Variants in SPACA7 observed in about 807,000 individuals in gnomAD.
The protein encoded by SPACA7 is sperm acrosome-associated protein 7.
A neutral mutation model predicts 26.3 loss-of-function variants in SPACA7; 19 were observed. That is an observed-to-expected ratio of 0.72 (90% CI 0.50 to 1.06). The LOEUF (loss-of-function observed/expected upper bound fraction) is 1.06. SPACA7 is among the 50% of genes least tolerant of loss of function. SPACA7 has a pLI of 0.00. For synonymous variants in SPACA7, 84 were observed against 84.5 expected (o/e 0.99, Z 0.04); for missense variants, 211 against 229.9 (o/e 0.92, Z 0.53).
At chr13:112,382,958 C>T (rs1884178908) in intron 1 of SPACA7, among the ~76,000 whole-genome samples, 1 of 149,320 alleles carries the variant, frequency 6.7e-6, no homozygotes, top group African/African-American at 2.5e-5. Flanking sequence ...TATTGCACTC[C>T]AGCCTGGGCA....
In SPACA7 at chr13:112,398,094, C is replaced by G; in HGVS notation, c.197C>G (p.Pro66Arg). ...ATTTTAGATCTGAATAAAACAACAC[C>G]GAGCGAAATGCCAAGTACAGCATCA... ...QEILDLNKTTPSEMPSTASTL... is the reference protein window; with the variant it reads ...QEILDLNKTTRSEMPSTASTL... The change falls in exon 3 of 7, where the codon CCG becomes CGG. Residue 66 changes from proline (P) to arginine (R), a missense_variant. By Grantham distance (103) the Pro-to-Arg change is moderately radical. Coordinates refer to ENST00000283550, the MANE Select transcript of SPACA7 (RefSeq NM_145248.5). 1 of 1,613,900 alleles carries G rather than the reference C, an allele frequency of 6.2e-7. No individual in the cohort carries two copies. Among genetic ancestry groups the G allele is most frequent in the Non-Finnish European group, 8.5e-7 (1 of 1,179,854 alleles).
At chr13:112,413,943 T>A (rs999572256) in intron 5 of SPACA7, among the ~76,000 whole-genome samples, 3 of 152,138 alleles carry the variant, frequency 2.0e-5, no homozygotes, top group African/African-American at 7.2e-5. Flanking sequence ...CTCAGGGAAC[T>A]TTTCCTCATG....
intron 5 of SPACA7, among the ~76,000 whole-genome samples, chr13:112,424,475 A>C (rs879012867): frequency 6.6e-6 from 1 of 152,164 alleles, no homozygotes; most frequent in Non-Finnish European, 1.5e-5. Flanking sequence ...TGAGAACAGA[A>C]TGACAGAACT....
intron 5 of SPACA7, among the ~76,000 whole-genome samples, chr13:112,416,742 C>A (rs1886714819): frequency 6.6e-6 from 1 of 151,954 alleles, no homozygotes; most frequent in South Asian, 2.1e-4. Flanking sequence ...ATACATATAG[C>A]ATTTGCATAT....
chr13:112,395,910 C>A (rs1412464430), intron 2 of SPACA7, among the ~76,000 whole-genome samples: 1 of 152,132 alleles, frequency 6.6e-6, no homozygotes, highest in Non-Finnish European at 1.5e-5. Flanking sequence ...TTCATCTCTA[C>A]CTAAAGCGTT....
intron 5 of SPACA7, among the ~76,000 whole-genome samples, chr13:112,405,886 A>G (rs1396274943): frequency 4.6e-5 from 7 of 152,094 alleles, no homozygotes; most frequent in Admixed American, 2.0e-4. Context: ...GTGAATTCCA[A>G]CTTTTAGCAT....
chr13:112,409,813 C>T (rs1296800607), intron 5 of SPACA7, among the ~76,000 whole-genome samples: 3 of 152,186 alleles, frequency 2.0e-5, no homozygotes, highest in East Asian at 3.8e-4. Context: ...TGTGGCGATT[C>T]CTCAAGGAAG....
intron 5 of SPACA7, among the ~76,000 whole-genome samples, chr13:112,411,541 T>G (rs1028675502): frequency 1.2e-4 from 18 of 152,136 alleles, no homozygotes; most frequent in African/African-American, 4.1e-4. Flanking sequence ...AACTTATTCC[T>G]TCTATCTAAC....
chr13:112,377,350 C>T (rs779165266), intron 1 of SPACA7, among the ~76,000 whole-genome samples: 1 of 152,104 alleles, frequency 6.6e-6, no homozygotes, highest in African/African-American at 2.4e-5. Context: ...CTTTGAAGAC[C>T]TTTTAAAATC....
Position 112,399,073 on chromosome 13 carries a change from T to C in SPACA7, c.249T>C (p.Gly83=), listed in dbSNP as rs1283454210. ...CCATGTTCTTCATTGAAGATGCTGG[T>C]ATTGATGAGAATTATCAAGCTGGTG... The part of the protein sequence containing the change: ...ASTLSTPLHA[G]IDENYQAGGS... Residue 83 remains glycine, a synonymous_variant, in exon 4 of 7, where the codon GGT becomes GGC. Coordinates refer to ENST00000283550, the MANE Select transcript of SPACA7 (RefSeq NM_145248.5). The C allele has an allele frequency of 7.5e-6, 12 of 1,594,354 alleles. No homozygotes were observed. Among genetic ancestry groups the C allele is most frequent in the African/African-American group, 1.3e-5 (1 of 74,460 alleles).
intron 1 of SPACA7, among the ~76,000 whole-genome samples, chr13:112,390,219 C>T (rs920521304): frequency 2.6e-5 from 4 of 152,046 alleles, no homozygotes; most frequent in African/African-American, 4.8e-5. Flanking sequence ...GAAGAGAACT[C>T]GAGTGCAGAG....
intron 5 of SPACA7, among the ~76,000 whole-genome samples, chr13:112,431,577 G>A (rs1176514932): frequency 1.3e-5 from 2 of 152,146 alleles, no homozygotes; most frequent in Non-Finnish European, 2.9e-5. Context: ...AGATATATGA[G>A]GGATTCTTGT....
intron 5 of SPACA7, among the ~76,000 whole-genome samples, chr13:112,414,909 T>A (rs1886591127): frequency 6.6e-6 from 1 of 152,220 alleles, no homozygotes; most frequent in Non-Finnish European, 1.5e-5. Context: ...GTTAGATATT[T>A]ATTCCAGTCA....
chr13:112,413,369 T>TC (rs573182932), intron 5 of SPACA7, among the ~76,000 whole-genome samples: 20 of 19,596 alleles, frequency 1.0e-3, no homozygotes, highest in African/African-American at 8.1e-3. Context: ...GGAAGAGTTG[T>TC]TTTTTTTTTT....
At chr13:112,419,618 GC>G (rs1482423343) in intron 5 of SPACA7, among the ~76,000 whole-genome samples, 4 of 152,176 alleles carry the variant, frequency 2.6e-5, no homozygotes, top group African/African-American at 9.7e-5. Context: ...CTACCTTGGG[GC>G]CAGGATCCTT....
intron 1 of SPACA7, among the ~76,000 whole-genome samples, chr13:112,384,559 A>G (rs1027621044): frequency 5.9e-5 from 9 of 152,306 alleles, no homozygotes; most frequent in African/African-American, 1.9e-4. Context: ...GACAAAATTT[A>G]TAATTTGATT....
At chr13:112,402,072 C>T (rs1388752977) in intron 5 of SPACA7, among the ~76,000 whole-genome samples, 1 of 152,096 alleles carries the variant, frequency 6.6e-6, no homozygotes, top group Non-Finnish European at 1.5e-5. Context: ...GTCTAATTTC[C>T]TTTCCTTGAG....
At chr13:112,380,900 G>T (rs1187133008) in intron 1 of SPACA7, among the ~76,000 whole-genome samples, 3 of 152,170 alleles carry the variant, frequency 2.0e-5, no homozygotes, top group Non-Finnish European at 4.4e-5. Context: ...TGTGAATTGT[G>T]TCACATATAG....
chr13:112,393,041 T>C lies in SPACA7; in HGVS notation c.115T>C (p.Phe39Leu), dbSNP rs1181667012. ...TCTAGGTTCACCTACTGAAATACCA[T>C]TCAGTTCAAAACAGGAGGATATGTC... ...VIPGSPTEIP[F>L]SSKQEDMSEL... The change falls in exon 2 of 7, where the codon TTC becomes CTC. Residue 39 changes from phenylalanine (F) to leucine (L), a missense_variant. Transcript: ENST00000283550. 3 of 1,612,848 alleles carry C rather than the reference T, an allele frequency of 1.9e-6. No homozygotes were observed. The Admixed American group carries it at 5.0e-5, about 27-fold the overall frequency.
Sources: allele counts gnomAD v4.1 joint callset (sites outside exome capture counted in the v4.1 genomes callset), GRCh38; gene constraint gnomAD v4.1.1; transcripts MANE v1.5; gene names NCBI Gene and HGNC (gene_info 2026-07-23, HGNC 2026-07-21).